XKR4: variants seen among roughly 807,000 people sequenced by gnomAD.
The protein encoded by XKR4 is XK related 4, also known as XK-related protein 4.
In XKR4, 12 loss-of-function variants were observed where a neutral mutation model predicts 53.9. The observed-to-expected ratio is 0.22, with a 90% CI of 0.14 to 0.36. XKR4 has a LOEUF of 0.36. XKR4 is among the 10% of genes least tolerant of loss of function. XKR4 has a pLI of 1.00. For synonymous variants in XKR4, 354 were observed against 362.4 expected (o/e 0.98, Z 0.26); for missense variants, 799 against 859.5 (o/e 0.93, Z 0.88).
Position 55,202,027 on chromosome 8 carries a change from G to A in XKR4, c.806+98733G>A, listed in dbSNP as rs111254839. Among the ~76,000 whole-genome samples, 340 of 152,214 alleles carry A rather than the reference G, an allele frequency of 2.2e-3. 2 individuals carry two copies. Among genetic ancestry groups the A allele is most frequent in the African/African-American group, 7.3e-3 (305 of 41,508 alleles). ...GGCCATGATATTAGCTTTATTACCC[G>A]CATTAAAGAAGAGTAACTGCTCAAG... On this transcript the variant is annotated intron_variant, in intron 1 of 2. Coordinates refer to ENST00000327381, the MANE Select transcript of XKR4 (RefSeq NM_052898.2).
At chr8:55,298,582 G>A (rs1819134581) in intron 1 of XKR4, among the ~76,000 whole-genome samples, 2 of 152,116 alleles carry the variant, frequency 1.3e-5, no homozygotes, top group African/African-American at 4.8e-5. Context: ...AGGGAGGGCA[G>A]CAAGCCATTA....
At chr8:55,138,598 A>G (rs1816662029) in intron 1 of XKR4, among the ~76,000 whole-genome samples, 1 of 152,240 alleles carries the variant, frequency 6.6e-6, no homozygotes, top group African/African-American at 2.4e-5. Context: ...CCACCAAGCA[A>G]GGGATGTGCT....
At chr8:55,188,222 G>C (rs1184484956) in intron 1 of XKR4, among the ~76,000 whole-genome samples, 4 of 152,090 alleles carry the variant, frequency 2.6e-5, no homozygotes, top group Non-Finnish European at 5.9e-5. Context: ...TTTTAAAGTT[G>C]TTTAGTAGTG....
chr8:55,114,544 C>A (rs2129351314), intron 1 of XKR4, among the ~76,000 whole-genome samples: 1 of 152,246 alleles, frequency 6.6e-6, no homozygotes, highest in East Asian at 1.9e-4. Flanking sequence ...GGAATCCAAG[C>A]AAAGGCCAGA....
intron 2 of XKR4, among the ~76,000 whole-genome samples, chr8:55,461,230 G>C (rs1382645796): frequency 6.6e-6 from 1 of 152,206 alleles, no homozygotes; most frequent in Non-Finnish European, 1.5e-5. Context: ...CCCCCAGTAG[G>C]GGCGGACTGA....
rs1479644731 is a variant in XKR4 at position 55,102,318 on chromosome 8, C to G, written c.-171C>G. The G allele has an allele frequency of 2.2e-6, 2 of 927,894 alleles. No individual in the cohort carries two copies. The highest frequency in any genetic ancestry group is 1.8e-5 in the African/African-American group (1 of 55,108). 57.5% of individuals were successfully genotyped at this position (927,894 alleles called of 1,614,324 possible). ...CGCTAGCCCGGCCCAGCGCCCAGCC[C>G]GGCGGGCGGCGGGCGGCGGCGGACG... is the stretch of plus-strand genomic sequence containing the variant. On this transcript the variant is annotated 5_prime_UTR_variant, in exon 1 of 3. Coordinates refer to ENST00000327381, the MANE Select transcript of XKR4 (RefSeq NM_052898.2). The surrounding 1 kb of genome is among the most constrained non-coding windows in gnomAD (Gnocchi z 5.1).
chr8:55,439,590 T>C (rs1417119671), intron 2 of XKR4, among the ~76,000 whole-genome samples: 1 of 152,182 alleles, frequency 6.6e-6, no homozygotes, highest in Non-Finnish European at 1.5e-5. Context: ...ATAAAATTTG[T>C]ATGTGTAGAT....
chr8:55,375,649 A>G (rs765576749), intron 2 of XKR4, among the ~76,000 whole-genome samples: 7 of 152,182 alleles, frequency 4.6e-5, no homozygotes, highest in Non-Finnish European at 1.0e-4. Flanking sequence ...TTAGCACAGA[A>G]TACTTTTAGC....
intron 1 of XKR4, among the ~76,000 whole-genome samples, chr8:55,287,375 T>C (rs1224209495): frequency 6.6e-6 from 1 of 152,198 alleles, no homozygotes; most frequent in Non-Finnish European, 1.5e-5. Context: ...TCTAAGCACA[T>C]TTGCATATTA....
intron 1 of XKR4, among the ~76,000 whole-genome samples, chr8:55,267,554 T>A (rs1818625471): frequency 6.6e-6 from 1 of 152,190 alleles, no homozygotes; most frequent in Non-Finnish European, 1.5e-5. Context: ...AGTTGTATGC[T>A]TGCAATCCAC....
At chr8:55,132,272 T>C (rs756789286) in intron 1 of XKR4, among the ~76,000 whole-genome samples, 56 of 152,312 alleles carry the variant, frequency 3.7e-4, no homozygotes, top group Non-Finnish European at 4.3e-4. Flanking sequence ...CTGCCCACTA[T>C]CATATAATTA....
intron 2 of XKR4, among the ~76,000 whole-genome samples, chr8:55,405,205 T>C (rs1804665174): frequency 6.6e-6 from 1 of 152,176 alleles, no homozygotes; most frequent in African/African-American, 2.4e-5. Context: ...AAGTCGTCAG[T>C]ATTGTCACAG....
chr8:55,390,761 C>T (rs953909828), intron 2 of XKR4, among the ~76,000 whole-genome samples: 1 of 152,178 alleles, frequency 6.6e-6, no homozygotes, highest in Non-Finnish European at 1.5e-5. Flanking sequence ...CTTCCCTGTA[C>T]CTGGGCAGTG....
intron 1 of XKR4, among the ~76,000 whole-genome samples, chr8:55,319,478 TTTCTAAAGGCCATTCCA>T (rs1241227916): frequency 6.6e-6 from 1 of 152,236 alleles, no homozygotes; most frequent in Non-Finnish European, 1.5e-5. Flanking sequence ...ATTTGCGATG[TTTCTAAAGGCCATTCCA>T]TTGTAAGGAT....
chr8:55,229,841 C>T (rs1339527560), intron 1 of XKR4, among the ~76,000 whole-genome samples: 1 of 151,854 alleles, frequency 6.6e-6, no homozygotes, highest in Non-Finnish European at 1.5e-5. Flanking sequence ...TCCTCAAAGC[C>T]GGTATAACTA....
At chr8:55,501,584 CTTG>C (rs1354812598) in intron 2 of XKR4, among the ~76,000 whole-genome samples, 8 of 152,104 alleles carry the variant, frequency 5.3e-5, no homozygotes, top group African/African-American at 1.7e-4. Context: ...ACTTATTTCA[CTTG>C]TTGTAATGTT....
intron 1 of XKR4, among the ~76,000 whole-genome samples, chr8:55,215,678 G>GA (rs992674575): frequency 2.0e-5 from 3 of 151,954 alleles, no homozygotes; most frequent in South Asian, 2.1e-4. Context: ...TTTGATGCAG[G>GA]AAAAAAATAA....
In XKR4 at chr8:55,462,018, G is replaced by A. The variant is rs140267171; in HGVS notation, c.1007-61263G>A. 6.6e-3 allele frequency among the ~76,000 whole-genome samples: 1,004 copies of A among 152,298 alleles called. 11 individuals carry two copies. Among genetic ancestry groups the A allele is most frequent in the African/African-American group, 0.023 (936 of 41,546 alleles). On this transcript the variant is annotated intron_variant, in intron 2 of 2. Coordinates refer to ENST00000327381, the MANE Select transcript of XKR4 (RefSeq NM_052898.2). ...TCTACTTGGTGTACCTGAAAGTGAC[G>A]GGGAGAATGGAACCAAGTTGGAAAA...
chr8:55,137,488 A>T (rs757578696), intron 1 of XKR4, among the ~76,000 whole-genome samples: 2 of 152,156 alleles, frequency 1.3e-5, no homozygotes, highest in Non-Finnish European at 2.9e-5. Context: ...AGGAAAATAT[A>T]AAAATATCTG....
Sources: allele counts gnomAD v4.1 joint callset (sites outside exome capture counted in the v4.1 genomes callset), GRCh38; gene constraint gnomAD v4.1.1; non-coding constraint Gnocchi (gnomAD v3.1); transcripts MANE v1.5; gene names NCBI Gene and HGNC (gene_info 2026-07-23, HGNC 2026-07-21).